The following RBFOX1 variants were observed in gnomAD, a reference collection of about 807,000 sequenced individuals.
The protein encoded by RBFOX1 is RNA binding protein fox-1 homolog 1.
RBFOX1 carries 8 observed loss-of-function variants against 57.7 expected under a neutral mutation model. The observed-to-expected ratio is 0.14, with a 90% CI of 0.08 to 0.25. The LOEUF is 0.25. Ranked by LOEUF, RBFOX1 falls within the 10% of genes least tolerant of loss-of-function variation. The probability of loss-of-function intolerance (pLI) is 1.00; values close to 1 mark genes in which losing one functional copy is unlikely to be tolerated. For missense variants in RBFOX1, 611 were observed against 548.5 expected, an observed-to-expected ratio of 1.11 and a Z score of -1.14; for synonymous variants, 326 against 222.4, an observed-to-expected ratio of 1.47 and a Z score of -4.15.
chr16:6,772,854 G>A (rs2078568776), intron 3 of RBFOX1, among the ~76,000 whole-genome samples: 1 of 148,264 alleles, frequency 6.7e-6, no homozygotes, highest in Admixed American at 6.7e-5. Flanking sequence ...GGCATGGGAT[G>A]CATTTGTGTG....
At chr16:7,675,331 G>C (rs542166571) in intron 13 of RBFOX1, among the ~76,000 whole-genome samples, 45 of 151,658 alleles carry the variant, frequency 3.0e-4, no homozygotes, top group African/African-American at 1.1e-3. Context: ...GGAGAACATA[G>C]TATTTGGAAC....
intron 4 of RBFOX1, among the ~76,000 whole-genome samples, chr16:7,215,912 A>T (rs35006819): frequency 0.31 from 46,951 of 151,788 alleles, 8,489 homozygotes; most frequent in East Asian, 0.63. Flanking sequence ...TTTAGTAGAC[A>T]TGGGGTTTCA....
chr16:6,060,122 G>GTTTTTTGTTTTTTTTTTTTTTTTTTTT lies in RBFOX1; in HGVS notation c.-127+40136_-127+40137insGTTTTTTTTTTTTTTTTTTTTTTTTTT, dbSNP rs1567355465. On this transcript the variant is annotated intron_variant, in intron 1 of 15. Transcript: ENST00000550418. Reference sequence around the variant, plus strand: ...ATTTGGCCCTAAAATTAGGATTAGGGTTTTTTTTTTTTTTTTTTTTTTTTT... The same window carrying GTTTTTTGTTTTTTTTTTTTTTTTTTTT: ...ATTTGGCCCTAAAATTAGGATTAGGGTTTTTTGTTTTTTTTTTTTTTTTTTTTTTTTTTTTTTTTTTTTTTTTTTTTT... 1.9e-4 allele frequency among the ~76,000 whole-genome samples: 22 copies of GTTTTTTGTTTTTTTTTTTTTTTTTTTT among 114,210 alleles called. 1 individual carries two copies. In the East Asian group the frequency reaches 2.4e-3, roughly 12 times the overall value. The allele number at this position is 114,210 out of a possible 152,430, so 74.9% of individuals were successfully genotyped here. A position where few individuals can be genotyped will look rare whatever the true frequency, so the allele number is the denominator to read the frequency against.
intron 4 of RBFOX1, among the ~76,000 whole-genome samples, chr16:7,319,562 G>C (rs2096506499): frequency 2.0e-5 from 3 of 152,128 alleles, no homozygotes; most frequent in Non-Finnish European, 4.4e-5. Context: ...TTCTCTGGAA[G>C]GATATTTTGG....
At chr16:6,900,465 G>T (rs573088330) in intron 3 of RBFOX1, among the ~76,000 whole-genome samples, 1 of 152,072 alleles carries the variant, frequency 6.6e-6, no homozygotes, top group Non-Finnish European at 1.5e-5. Flanking sequence ...TTGATTTCCC[G>T]TTGCTCTTAG....
intron 4 of RBFOX1, among the ~76,000 whole-genome samples, chr16:7,149,925 C>T (rs995950962): frequency 5.9e-5 from 9 of 152,172 alleles, no homozygotes; most frequent in African/African-American, 1.9e-4. Context: ...CATCCCGTGG[C>T]TTGTTATTTG....
chr16:5,940,848 C>G (rs965741486), intron 4 of RBFOX1, among the ~76,000 whole-genome samples: 1 of 152,104 alleles, frequency 6.6e-6, no homozygotes, highest in Non-Finnish European at 1.5e-5. Flanking sequence ...ATCTAGGTGG[C>G]TGGGTGGGGG....
chr16:5,379,351 ACAC>A (rs2151388035), intron 1 of RBFOX1, among the ~76,000 whole-genome samples: 1 of 151,562 alleles, frequency 6.6e-6, no homozygotes, highest in Non-Finnish European at 1.5e-5. Flanking sequence ...TCAGAGAAAC[ACAC>A]CCCCAGCCCA....
At chr16:6,545,336 G>A (rs139247689) in intron 2 of RBFOX1, among the ~76,000 whole-genome samples, 40 of 152,172 alleles carry the variant, frequency 2.6e-4, no homozygotes, top group African/African-American at 8.4e-4. Context: ...AAATAAAAAC[G>A]GATAACTTGG....
At chr16:5,708,167 G>C (rs1224036667) in intron 3 of RBFOX1, among the ~76,000 whole-genome samples, 4 of 152,162 alleles carry the variant, frequency 2.6e-5, no homozygotes, top group African/African-American at 9.7e-5. Context: ...TGAATACAGA[G>C]AGAAACACGT....
chr16:5,739,347 T>A (rs912374952), intron 3 of RBFOX1, among the ~76,000 whole-genome samples: 2 of 152,264 alleles, frequency 1.3e-5, no homozygotes, highest in African/African-American at 4.8e-5. Flanking sequence ...CAGGCAGTAC[T>A]CAAGGCACCG....
intron 2 of RBFOX1, among the ~76,000 whole-genome samples, chr16:6,619,424 C>G (rs747936863): frequency 4.6e-5 from 7 of 152,174 alleles, no homozygotes; most frequent in Non-Finnish European, 8.8e-5. Context: ...CCTTTTTCTG[C>G]AAACTCATTT....
At chr16:6,052,512 C>T (rs1469573778) in intron 1 of RBFOX1, among the ~76,000 whole-genome samples, 4 of 151,974 alleles carry the variant, frequency 2.6e-5, no homozygotes, top group South Asian at 2.1e-4. Flanking sequence ...AGGCCGGGCG[C>T]GGTGGCTCAC....
intron 3 of RBFOX1, among the ~76,000 whole-genome samples, chr16:6,816,656 C>T (rs776123643): frequency 1.7e-4 from 25 of 149,194 alleles, no homozygotes; most frequent in Non-Finnish European, 3.4e-4. Flanking sequence ...AGGAGAATGG[C>T]GTGAACCCGG....
intron 3 of RBFOX1, among the ~76,000 whole-genome samples, chr16:5,736,369 C>T (rs1310689312): frequency 6.6e-6 from 1 of 152,040 alleles, no homozygotes. Flanking sequence ...TTTTACTTTC[C>T]TAAAAGTGCA....
At position 5,882,529 on chromosome 16, in the gene RBFOX1, A is replaced by C. The variant is rs2057787876; in HGVS notation, c.351+15194A>C. Among the ~76,000 whole-genome samples the C allele has an allele frequency of 2.6e-5, 4 of 152,284 alleles. No homozygotes were observed. The South Asian group carries it at 8.3e-4, about 32-fold the overall frequency. ...AAGAAACAAATTTTGATGAACTCAG[A>C]GCTGCCTCTACCACAGGCACTGAGC... is the stretch of plus-strand genomic sequence containing the variant. On this transcript the variant is annotated intron_variant, in intron 4 of 19. Coordinates refer to the RBFOX1 transcript ENST00000641259.
chr16:6,539,485 C>T (rs2096781484), intron 2 of RBFOX1, among the ~76,000 whole-genome samples: 1 of 152,062 alleles, frequency 6.6e-6, no homozygotes, highest in African/African-American at 2.4e-5. Flanking sequence ...GGTCTATTTG[C>T]ACAATATACT....
intron 1 of RBFOX1, among the ~76,000 whole-genome samples, chr16:5,358,513 G>A (rs1160714424): frequency 6.6e-6 from 1 of 152,152 alleles, no homozygotes; most frequent in African/African-American, 2.4e-5. Context: ...ATCACATCAT[G>A]TAAAATCCCC....
At chr16:7,174,964 C>T (rs963375709) in intron 4 of RBFOX1, among the ~76,000 whole-genome samples, 1 of 152,188 alleles carries the variant, frequency 6.6e-6, no homozygotes, top group African/African-American at 2.4e-5. Context: ...GATATCTCAT[C>T]ATCATGGCTT....
Sources: allele counts gnomAD v4.1 joint callset (sites outside exome capture counted in the v4.1 genomes callset), GRCh38; gene constraint gnomAD v4.1.1; transcripts MANE v1.5; gene names NCBI Gene and HGNC (gene_info 2026-07-23, HGNC 2026-07-21).